Variants in WWOX observed in about 807,000 individuals in gnomAD.
WWOX encodes the protein WW domain containing oxidoreductase.
A neutral mutation model predicts 46.2 loss-of-function variants in WWOX; 69 were observed. The observed-to-expected ratio is 1.49, with a 90% CI of 1.23 to 1.82. The LOEUF is 1.82. Ranked by LOEUF, WWOX falls within the 40% of genes most tolerant of loss-of-function variation. The pLI, the probability that WWOX is intolerant of heterozygous loss-of-function variation, is 0.00. For synonymous variants in WWOX, 359 were observed against 202.6 expected, an observed-to-expected ratio of 1.77 and a Z score of -6.56; for missense variants, 919 against 542.6, an observed-to-expected ratio of 1.69 and a Z score of -6.89.
chr16:78,635,812 G>A (rs760473033), intron 8 of WWOX, among the ~76,000 whole-genome samples: 2 of 152,116 alleles, frequency 1.3e-5, no homozygotes, highest in African/African-American at 2.4e-5. Flanking sequence ...AGTGGAAGGC[G>A]TGCCCAAATC....
In WWOX at chr16:78,365,017, G is replaced by T. The variant is rs576920419; in HGVS notation, c.517-21843G>T. Among the ~76,000 whole-genome samples, 5 of 152,312 alleles carry T rather than the reference G, an allele frequency of 3.3e-5. No individual in the cohort carries two copies. The South Asian group carries it at 1.0e-3, about 32-fold the overall frequency. On this transcript the variant is annotated intron_variant, in intron 5 of 8. Coordinates refer to ENST00000566780, the MANE Select transcript of WWOX (RefSeq NM_016373.4). ...GTATTTTCTGTGTACTATGGGTTGA[G>T]CTGTGGGTAATTCTTTGGGGCCGGT...
chr16:78,504,835 G>T (rs2085153327), intron 8 of WWOX, among the ~76,000 whole-genome samples: 1 of 152,068 alleles, frequency 6.6e-6, no homozygotes, highest in East Asian at 1.9e-4. Flanking sequence ...GTAGGCAACA[G>T]CTGGATTATT....
At chr16:78,936,001 A>T (rs1015217272) in intron 8 of WWOX, among the ~76,000 whole-genome samples, 2 of 152,134 alleles carry the variant, frequency 1.3e-5, no homozygotes, top group Non-Finnish European at 2.9e-5. Context: ...TAGTTGCTGG[A>T]TGCTGAAGTT....
intron 8 of WWOX, among the ~76,000 whole-genome samples, chr16:78,794,790 C>G (rs1027613857): frequency 1.2e-4 from 19 of 152,356 alleles, no homozygotes; most frequent in African/African-American, 4.3e-4. Context: ...TGAGCATAGG[C>G]AGATCCTTTC....
chr16:78,941,478 CAGT>C (rs1484576291), intron 8 of WWOX, among the ~76,000 whole-genome samples: 1 of 145,820 alleles, frequency 6.9e-6, no homozygotes, highest in Non-Finnish European at 1.5e-5. Flanking sequence ...TTTTTTTTGT[CAGT>C]AGAGGGTGAA....
Position 78,541,968 on chromosome 16 carries a change from G to C in WWOX, c.1056+109216G>C, listed in dbSNP as rs531224426. On this transcript the variant is annotated intron_variant, in intron 8 of 8. Coordinates refer to ENST00000566780, the MANE Select transcript of WWOX (RefSeq NM_016373.4). Reference sequence around the variant, plus strand: ...CAGATGGGACTATTTGCATGGATTGGTGTCATGTTTGAAGTCAGTTACCAG... The same window carrying C: ...CAGATGGGACTATTTGCATGGATTGCTGTCATGTTTGAAGTCAGTTACCAG... Among the ~76,000 whole-genome samples, 6 of 128,824 alleles carry C rather than the reference G, an allele frequency of 4.7e-5. No homozygotes were observed. In the Admixed American group the frequency reaches 6.1e-4, roughly 13 times the overall value. The allele number at this position is 128,824 out of a possible 152,430, so 84.5% of individuals were successfully genotyped here. A position where few individuals can be genotyped will look rare whatever the true frequency, so the allele number is the denominator to read the frequency against.
chr16:78,959,390 C>T (rs961449899), intron 8 of WWOX, among the ~76,000 whole-genome samples: 1 of 152,230 alleles, frequency 6.6e-6, no homozygotes, highest in Non-Finnish European at 1.5e-5. Flanking sequence ...TGTTTTGGAA[C>T]TTGACGTCCA....
intron 8 of WWOX, among the ~76,000 whole-genome samples, chr16:78,921,502 A>G (rs1305241351): frequency 6.6e-6 from 1 of 151,602 alleles, no homozygotes; most frequent in Non-Finnish European, 1.5e-5. Flanking sequence ...TGCCATTTTC[A>G]AAGACCTTTC....
chr16:78,393,535 G>T (rs1029360953), intron 6 of WWOX, among the ~76,000 whole-genome samples: 31 of 152,082 alleles, frequency 2.0e-4, no homozygotes, highest in African/African-American at 7.2e-4. Context: ...AGGTCCTTAA[G>T]TCCCTGATAA....
At chr16:78,955,875 C>T (rs2046155622) in intron 8 of WWOX, among the ~76,000 whole-genome samples, 1 of 151,838 alleles carries the variant, frequency 6.6e-6, no homozygotes. Context: ...AATTCCTGGC[C>T]TCAAGCGATC....
intron 4 of WWOX, among the ~76,000 whole-genome samples, chr16:78,126,916 C>T (rs985477874): frequency 3.3e-5 from 5 of 152,170 alleles, no homozygotes; most frequent in African/African-American, 9.7e-5. Context: ...ACAGTAACAG[C>T]GCTTCAGAGC....
chr16:78,674,159 C>T (rs1302500067), intron 8 of WWOX, among the ~76,000 whole-genome samples: 2 of 152,022 alleles, frequency 1.3e-5, no homozygotes, highest in Admixed American at 6.6e-5. Context: ...TTTCCTTTGG[C>T]TCAGAGACTT....
chr16:78,464,756 C>A (rs1026068880), intron 8 of WWOX, among the ~76,000 whole-genome samples: 3 of 152,122 alleles, frequency 2.0e-5, no homozygotes, highest in African/African-American at 4.8e-5. Flanking sequence ...ATTCAGTCTC[C>A]TTTTTGGAGA....
In WWOX at chr16:78,099,904, G is replaced by T. The variant is rs2031640415; in HGVS notation, c.107+19G>T. On this transcript the variant is annotated intron_variant, in intron 1 of 8. Coordinates refer to ENST00000566780, the MANE Select transcript of WWOX (RefSeq NM_016373.4). ...ACGCCAAGTAAGGGGGCCGCAGTGG[G>T]GCCGCGGACGCACCTGGGACCCTGC... is the stretch of plus-strand genomic sequence containing the variant. 6.4e-7 allele frequency: 1 copy of T among 1,552,022 alleles called. No individual in the cohort carries two copies. Among genetic ancestry groups the T allele is most frequent in the South Asian group, 1.2e-5 (1 of 83,808 alleles).
chr16:78,481,764 T>TTTGCGC (rs1555547244), intron 8 of WWOX, among the ~76,000 whole-genome samples: 9 of 147,928 alleles, frequency 6.1e-5, no homozygotes, highest in African/African-American at 2.3e-4. Flanking sequence ...TGTGTGTGTG[T>TTTGCGC]GCGCGCGCCT....
intron 4 of WWOX, among the ~76,000 whole-genome samples, chr16:78,147,318 C>G (rs928889052): frequency 3.3e-5 from 5 of 152,042 alleles, no homozygotes; most frequent in Non-Finnish European, 7.4e-5. Context: ...CAATAAATGT[C>G]CGGTTTGGAG....
chr16:78,209,676 C>G (rs1464336113), intron 5 of WWOX, among the ~76,000 whole-genome samples: 3 of 151,038 alleles, frequency 2.0e-5, no homozygotes, highest in African/African-American at 7.3e-5. Flanking sequence ...ATCCTCTAGT[C>G]TGAGCCTTAC....
intron 8 of WWOX, among the ~76,000 whole-genome samples, chr16:78,656,494 G>A (rs781079350): frequency 9.2e-5 from 14 of 152,178 alleles, no homozygotes; most frequent in Non-Finnish European, 1.5e-4. Context: ...AAGGGAAGCA[G>A]GCATGTTCTG....
At position 79,148,601 on chromosome 16, in the gene WWOX, C is replaced by G. The variant is rs57689936; in HGVS notation, c.1057-63007C>G. 1.4e-3 allele frequency among the ~76,000 whole-genome samples: 215 copies of G among 152,086 alleles called. 5 individuals are homozygous for G. The East Asian group carries it at 0.039, about 28-fold the overall frequency. ...TATGGTTGTCTATGTCTACCAGAAG[C>G]CTTGCTGCAGTTTTAATGGGGTTTA... On this transcript the variant is annotated intron_variant, in intron 8 of 8. Transcript: ENST00000566780.
Sources: gnomAD v4.1 joint callset for allele counts (sites outside exome capture counted in the v4.1 genomes callset) on GRCh38, gnomAD v4.1.1 for gene constraint, MANE v1.5 for transcripts, NCBI Gene and HGNC (gene_info 2026-07-23, HGNC 2026-07-21) for gene names.